ELOVL7: variants seen among roughly 807,000 people sequenced by gnomAD.
The protein encoded by ELOVL7 is very long chain fatty acid elongase 7.
A neutral mutation model predicts 35.7 loss-of-function variants in ELOVL7; 27 were observed. That is an observed-to-expected ratio of 0.76 (90% confidence interval 0.56 to 1.04). The LOEUF is 1.04. Among genes scored for constraint, ELOVL7 ranks in the 50% least tolerant of loss-of-function variants. The pLI is 0.00. For synonymous variants in ELOVL7, 113 were observed against 114.6 expected (o/e 0.99, Z 0.09); for missense variants, 327 against 340.8 (o/e 0.96, Z 0.32).
intron 3 of ELOVL7, among the ~76,000 whole-genome samples, chr5:60,775,358 T>C (rs1008231307): frequency 1.1e-4 from 16 of 152,346 alleles, no homozygotes; most frequent in African/African-American, 1.4e-4. Context: ...AAACATTCCA[T>C]GCTCATGGAT....
chr5:60,821,088 C>T (rs1330006129), intron 1 of ELOVL7, among the ~76,000 whole-genome samples: 2 of 152,312 alleles, frequency 1.3e-5, no homozygotes, highest in Admixed American at 6.5e-5. Flanking sequence ...ACTGAAATCA[C>T]CTTTCAACTA....
At chr5:60,799,346 A>C (rs1241098446) in intron 1 of ELOVL7, 116 bp from the exon 2 acceptor site, 1 of 152,130 alleles carries the variant, frequency 6.6e-6, no homozygotes, top group East Asian at 1.9e-4. Flanking sequence ...TAGAGTAGAA[A>C]TAAAGGAAAT....
intron 1 of ELOVL7, among the ~76,000 whole-genome samples, chr5:60,813,051 A>T (rs1745321427): frequency 6.6e-6 from 1 of 152,156 alleles, no homozygotes; most frequent in Non-Finnish European, 1.5e-5. Flanking sequence ...ACTGCCAATA[A>T]ACATTATAAT....
At chr5:60,766,246 AAAC>A (rs1271864238) in intron 6 of ELOVL7, among the ~76,000 whole-genome samples, 1 of 152,238 alleles carries the variant, frequency 6.6e-6, no homozygotes, top group Non-Finnish European at 1.5e-5. Context: ...TTGATTCATA[AAAC>A]AACTGTCATC....
At chr5:60,793,486 G>A (rs1317095795) in intron 2 of ELOVL7, among the ~76,000 whole-genome samples, 1 of 152,068 alleles carries the variant, frequency 6.6e-6, no homozygotes, top group Non-Finnish European at 1.5e-5. Flanking sequence ...GGGTTTGGGG[G>A]TAGCATACAC....
intron 3 of ELOVL7, among the ~76,000 whole-genome samples, chr5:60,778,562 T>C (rs975965637): frequency 2.6e-5 from 4 of 152,102 alleles, no homozygotes; most frequent in African/African-American, 9.7e-5. Context: ...AACCATCAGC[T>C]CTTGTGAGAA....
At chr5:60,781,969 G>C (rs944098246) in intron 3 of ELOVL7, among the ~76,000 whole-genome samples, 1 of 152,186 alleles carries the variant, frequency 6.6e-6, no homozygotes, top group African/African-American at 2.4e-5. Flanking sequence ...TCTCAATTCT[G>C]TTAGCACAGC....
At chr5:60,805,858 T>C (rs887067904) in intron 1 of ELOVL7, among the ~76,000 whole-genome samples, 1 of 152,208 alleles carries the variant, frequency 6.6e-6, no homozygotes, top group Non-Finnish European at 1.5e-5. Flanking sequence ...CCTCATTATG[T>C]CCATATTCCC....
intron 2 of ELOVL7, among the ~76,000 whole-genome samples, chr5:60,788,204 A>AC (rs1301440316): frequency 2.0e-5 from 3 of 152,228 alleles, no homozygotes; most frequent in African/African-American, 7.2e-5. Context: ...AGTAACTAAA[A>AC]TATACCTAAG....
rs753501572 is a variant in ELOVL7 at position 60,787,148 on chromosome 5, A to AC, written c.64+185dup. 2.0e-4 allele frequency among the ~76,000 whole-genome samples: 30 copies of AC among 152,280 alleles called. 1 individual carries two copies. The Middle Eastern group carries it at 0.027, about 138-fold the overall frequency. ...TTCCTTACTGTAAACATTGTAATGA[A>AC]CATCTGTGTAGCTCCATCTTTGTAC... On this transcript the variant is annotated intron_variant, in intron 3 of 8. Transcript: ENST00000508821.
At chr5:60,823,841 T>C (rs1347760978) in intron 1 of ELOVL7, among the ~76,000 whole-genome samples, 1 of 152,182 alleles carries the variant, frequency 6.6e-6, no homozygotes, top group Non-Finnish European at 1.5e-5. Context: ...GGCTCCAGGA[T>C]TTTTTTAAGT....
At chr5:60,822,888 T>C (rs1745966214) in intron 1 of ELOVL7, among the ~76,000 whole-genome samples, 1 of 152,092 alleles carries the variant, frequency 6.6e-6, no homozygotes, top group Non-Finnish European at 1.5e-5. Flanking sequence ...AGAGGTTCAG[T>C]GCATAGAGTG....
At chr5:60,815,407 C>T (rs1441871057) in intron 1 of ELOVL7, among the ~76,000 whole-genome samples, 1 of 152,152 alleles carries the variant, frequency 6.6e-6, no homozygotes, top group Non-Finnish European at 1.5e-5. Flanking sequence ...ATGAGTATTT[C>T]ATTTTCCTTT....
At chr5:60,807,753 A>AC (rs1025198609) in intron 1 of ELOVL7, among the ~76,000 whole-genome samples, 5 of 152,150 alleles carry the variant, frequency 3.3e-5, no homozygotes, top group African/African-American at 1.2e-4. Context: ...TAATCCCAGC[A>AC]CTTTGGGAGG....
chr5:60,820,588 C>A (rs1289439874), intron 1 of ELOVL7, among the ~76,000 whole-genome samples: 2 of 152,138 alleles, frequency 1.3e-5, no homozygotes, highest in African/African-American at 4.8e-5. Flanking sequence ...GAAGTTAGCA[C>A]AAAGCACTAC....
Position 60,807,992 on chromosome 5 carries a change from C to T in ELOVL7, c.-85-8762G>A, listed in dbSNP as rs1280254600. Among the ~76,000 whole-genome samples the T allele has an allele frequency of 1.7e-4, 7 of 42,422 alleles. No individual in the cohort carries two copies. The East Asian group carries it at 4.4e-3, about 26-fold the overall frequency. 27.8% of individuals were successfully genotyped at this position (42,422 alleles called of 152,430 possible). ...CCAGCCTGGGCGTGAGACTCCGTCT[C>T]AAAAAAAAAAAAAAAAAAAAAAAAA... On this transcript the variant is annotated intron_variant, in intron 1 of 8. Transcript: ENST00000508821.
chr5:60,817,651 TATATATATAC>T (rs1026399363), intron 1 of ELOVL7, among the ~76,000 whole-genome samples: 20 of 136,114 alleles, frequency 1.5e-4, no homozygotes, highest in Non-Finnish European at 2.4e-4. Flanking sequence ...ATATATTAAG[TATATATATAC>T]ATATATACAC....
At chr5:60,778,961 A>C (rs1228073162) in intron 3 of ELOVL7, among the ~76,000 whole-genome samples, 1 of 152,244 alleles carries the variant, frequency 6.6e-6, no homozygotes, top group East Asian at 1.9e-4. Context: ...GAAATTGGCC[A>C]AAACAAAGGA....
intron 5 of ELOVL7, among the ~76,000 whole-genome samples, 157 bp downstream of exon 5, chr5:60,767,663 ATTT>A (rs908659780): frequency 6.6e-6 from 1 of 152,076 alleles, no homozygotes; most frequent in Non-Finnish European, 1.5e-5. Flanking sequence ...TATACATGTG[ATTT>A]TTTTTATTCT....
Sources: gnomAD v4.1 joint callset for allele counts (sites outside exome capture counted in the v4.1 genomes callset) on GRCh38, gnomAD v4.1.1 for gene constraint, MANE v1.5 for transcripts, NCBI Gene and HGNC (gene_info 2026-07-23, HGNC 2026-07-21) for gene names.